The following BTF3L4 variants were observed in gnomAD, a reference collection of about 807,000 sequenced individuals.
BTF3L4 encodes basic transcription factor 3 like 4, also known as transcription factor BTF3 homolog 4.
BTF3L4 carries 6 observed loss-of-function variants against 16.8 expected under a neutral mutation model. The ratio of observed to expected loss-of-function variants is 0.36; its 90% CI spans 0.20 to 0.71. The LOEUF (loss-of-function observed/expected upper bound fraction) is 0.71. BTF3L4 is among the 30% of genes least tolerant of loss of function. The pLI is 0.58. For synonymous variants in BTF3L4, 39 were observed against 59.8 expected, an observed-to-expected ratio of 0.65 and a Z score of 1.60; for missense variants, 92 against 186.9, an observed-to-expected ratio of 0.49 and a Z score of 2.96.
chr1:52,086,645 G>A, intron 5 of BTF3L4, 67 bp from the exon 6 acceptor site: 2 of 959,160 alleles, frequency 2.1e-6, no homozygotes. Flanking sequence ...TAGAAGTTAG[G>A]AGTTCCATTT....
intron 3 of BTF3L4, among the ~76,000 whole-genome samples, chr1:52,080,240 G>A (rs1040390151): frequency 5.9e-5 from 9 of 152,076 alleles, no homozygotes; most frequent in Admixed American, 2.6e-4. Flanking sequence ...AGAACAAGTT[G>A]GGAAACCCAG....
intron 3 of BTF3L4, among the ~76,000 whole-genome samples, chr1:52,072,926 C>T (rs999608117): frequency 3.9e-5 from 6 of 152,162 alleles, no homozygotes; most frequent in African/African-American, 1.4e-4. Flanking sequence ...CGTGTGGTGG[C>T]GTGCGCCTGT....
intron 3 of BTF3L4, among the ~76,000 whole-genome samples, chr1:52,079,509 A>G (rs1643895459): frequency 6.6e-6 from 1 of 152,114 alleles, no homozygotes. Flanking sequence ...CATCTTTTAG[A>G]CCACTCCATT....
chr1:52,071,862 A>G (rs1686793484), intron 3 of BTF3L4, among the ~76,000 whole-genome samples: 1 of 150,616 alleles, frequency 6.6e-6, no homozygotes, highest in Non-Finnish European at 1.5e-5. Flanking sequence ...TATTCACTTT[A>G]CCATTCCATA....
chr1:52,064,984 A>C, intron 3 of BTF3L4, 46 bp downstream of exon 3: 1 of 1,150,380 alleles, frequency 8.7e-7, no homozygotes, highest in African/African-American at 1.5e-5. Context: ...TACATGCACA[A>C]ATAATTGTCT....
chr1:52,060,118 A>G (rs1484951635), intron 2 of BTF3L4, among the ~76,000 whole-genome samples: 3 of 152,226 alleles, frequency 2.0e-5, no homozygotes, highest in Non-Finnish European at 4.4e-5. Context: ...TTTGAATCCT[A>G]ACTCTTACCA....
At chr1:52,062,349 G>A (rs940340942) in intron 2 of BTF3L4, among the ~76,000 whole-genome samples, 1 of 151,510 alleles carries the variant, frequency 6.6e-6, no homozygotes, top group Non-Finnish European at 1.5e-5. Flanking sequence ...TTACAGGCAC[G>A]CGCCACCACG....
At chr1:52,083,260 T>C (rs768875398) in intron 3 of BTF3L4, 80 bp from the exon 4 acceptor site, 36 of 1,190,698 alleles carry the variant, frequency 3.0e-5, no homozygotes, top group Non-Finnish European at 4.0e-5. Flanking sequence ...AGAACCATAA[T>C]TGGCTGAATT....
intron 3 of BTF3L4, among the ~76,000 whole-genome samples, chr1:52,074,630 A>G (rs903854150): frequency 1.4e-5 from 2 of 147,864 alleles, no homozygotes; most frequent in Admixed American, 6.7e-5. Flanking sequence ...CCAAAGTGCT[A>G]GGATTACAGG....
At chr1:52,075,011 C>T (rs1035786087) in intron 3 of BTF3L4, among the ~76,000 whole-genome samples, 2 of 151,882 alleles carry the variant, frequency 1.3e-5, no homozygotes, top group Admixed American at 6.6e-5. Flanking sequence ...CCCACCTCTG[C>T]CTCCCAAGGT....
chr1:52,074,487 C>T (rs1205987715), intron 3 of BTF3L4, among the ~76,000 whole-genome samples: 1 of 152,062 alleles, frequency 6.6e-6, no homozygotes, highest in Non-Finnish European at 1.5e-5. Flanking sequence ...CCTCAGCCTC[C>T]CGAGTAGCTG....
Position 52,060,836 on chromosome 1 carries a change from C to A in BTF3L4, c.54+935C>A, listed in dbSNP as rs142201091. Among the ~76,000 whole-genome samples the A allele has an allele frequency of 2.6e-5, 4 of 152,264 alleles. No individual in the cohort carries two copies. The East Asian group carries it at 5.8e-4, about 22-fold the overall frequency. On this transcript the variant is annotated intron_variant, in intron 2 of 5. Coordinates refer to ENST00000313334, the MANE Select transcript of BTF3L4 (RefSeq NM_152265.5). ...AGTTAGAATAACACACTCATGTAAC[C>A]ACAGTAGTCACATTGTAGCATCAAG...
intron 3 of BTF3L4, among the ~76,000 whole-genome samples, chr1:52,070,818 T>C (rs1686770551): frequency 6.6e-6 from 1 of 151,766 alleles, no homozygotes; most frequent in African/African-American, 2.4e-5. Flanking sequence ...ATATTTTTAG[T>C]AGAGACGGGG....
At chr1:52,071,883 T>G (rs6661480) in intron 3 of BTF3L4, among the ~76,000 whole-genome samples, 1 of 150,774 alleles carries the variant, frequency 6.6e-6, no homozygotes, top group Non-Finnish European at 1.5e-5. Context: ...GCATCCTTCT[T>G]TCTCTCTTAG....
chr1:52,065,759 CG>C, intron 3 of BTF3L4, among the ~76,000 whole-genome samples: 1 of 152,092 alleles, frequency 6.6e-6, no homozygotes, highest in South Asian at 2.1e-4. Context: ...ATTAGTCAGC[CG>C]GGTGCAGTGG....
chr1:52,085,456 C>T (rs866211214), intron 4 of BTF3L4, among the ~76,000 whole-genome samples: 3 of 151,648 alleles, frequency 2.0e-5, no homozygotes, highest in Admixed American at 2.0e-4. Flanking sequence ...ACCACCATAC[C>T]TGGCTGAAAA....
At chr1:52,068,535 G>A (rs1158606531) in intron 3 of BTF3L4, among the ~76,000 whole-genome samples, 3 of 152,314 alleles carry the variant, frequency 2.0e-5, no homozygotes, top group Non-Finnish European at 2.9e-5. Flanking sequence ...CTAAGATCAC[G>A]TAGCCTAGTA....
chr1:52,064,679 C>T (rs909467729), intron 2 of BTF3L4, 146 bp from the exon 3 acceptor site: 39 of 488,946 alleles, frequency 8.0e-5, no homozygotes, highest in Middle Eastern at 1.1e-3. Flanking sequence ...ACAATCACAA[C>T]CTCTGAGAAG....
At chr1:52,085,172 C>T (rs1001570475) in intron 4 of BTF3L4, among the ~76,000 whole-genome samples, 5 of 151,362 alleles carry the variant, frequency 3.3e-5, no homozygotes, top group Non-Finnish European at 7.4e-5. Context: ...AGGCGCCCGC[C>T]ACTGCGCCTG....
Sources: gnomAD v4.1 joint callset for allele counts (sites outside exome capture counted in the v4.1 genomes callset) on GRCh38, gnomAD v4.1.1 for gene constraint, MANE v1.5 for transcripts, NCBI Gene and HGNC (gene_info 2026-07-23, HGNC 2026-07-21) for gene names.